The following HIBADH variants were observed in gnomAD, a reference collection of about 807,000 sequenced individuals.
HIBADH encodes the protein 3-hydroxyisobutyrate dehydrogenase.
Under a neutral mutation model 36.1 loss-of-function variants are expected in HIBADH, and 25 were observed. The observed-to-expected ratio is 0.69, with a 90% CI of 0.50 to 0.97. HIBADH has a LOEUF of 0.97. Among genes scored for constraint, HIBADH ranks in the 50% least tolerant of loss-of-function variants. The pLI, the probability that HIBADH is intolerant of heterozygous loss-of-function variation, is 0.00. For synonymous variants in HIBADH, 160 were observed against 149.5 expected (o/e 1.07, Z -0.51); for missense variants, 421 against 418.0 (o/e 1.01, Z -0.06).
Position 27,662,781 on chromosome 7 carries a change from G to A in HIBADH, c.8C>T (p.Ala3Val). 2 of 1,465,268 alleles carry A rather than the reference G, an allele frequency of 1.4e-6. No individual in the cohort carries two copies. The highest frequency in any genetic ancestry group is 1.8e-6 in the Non-Finnish European group (2 of 1,107,278). 90.8% of individuals were successfully genotyped at this position (1,465,268 alleles called of 1,614,324 possible). Residue 3 changes from alanine (A) to valine (V), a missense_variant, in exon 1 of 8, where the codon GCC becomes GTC. Coordinates refer to ENST00000265395, the MANE Select transcript of HIBADH (RefSeq NM_152740.4). Reference sequence around the variant, plus strand: ...GGCAGCTCCGAGGAGCCGTAAGGAGGCTGCCATGCTGCGCCCGCCCCTCTC... The same window carrying A: ...GGCAGCTCCGAGGAGCCGTAAGGAGACTGCCATGCTGCGCCCGCCCCTCTC... MAASLRLLGAASG... is the reference protein window; with the variant it reads MAVSLRLLGAASG...
chr7:27,535,113 A>G (rs1425550933), intron 6 of HIBADH, among the ~76,000 whole-genome samples: 1 of 150,936 alleles, frequency 6.6e-6, no homozygotes, highest in African/African-American at 2.4e-5. Context: ...TAAGTGAATG[A>G]TTTGGATTGA....
intron 1 of HIBADH, among the ~76,000 whole-genome samples, chr7:27,661,063 G>T (rs1416501454): frequency 6.6e-6 from 1 of 152,216 alleles, no homozygotes; most frequent in Non-Finnish European, 1.5e-5. Flanking sequence ...GTGGAAAAGT[G>T]TCTATTCTTT....
chr7:27,592,519 C>T (rs1418446621), intron 4 of HIBADH, among the ~76,000 whole-genome samples: 1 of 152,174 alleles, frequency 6.6e-6, no homozygotes, highest in Non-Finnish European at 1.5e-5. Context: ...AAAAGCCACA[C>T]CTTCGCCTGG....
At chr7:27,587,346 G>A (rs1448535599) in intron 4 of HIBADH, among the ~76,000 whole-genome samples, 1 of 152,006 alleles carries the variant, frequency 6.6e-6, no homozygotes, top group Admixed American at 6.6e-5. Context: ...TAAAGCTGCA[G>A]ATTCCCCACA....
chr7:27,660,165 T>G (rs1051049170), intron 1 of HIBADH, among the ~76,000 whole-genome samples: 4 of 152,258 alleles, frequency 2.6e-5, no homozygotes, highest in African/African-American at 7.2e-5. Context: ...ATCATTCATA[T>G]GATATAAACA....
intron 4 of HIBADH, among the ~76,000 whole-genome samples, chr7:27,625,794 G>C (rs370482763): frequency 1.3e-5 from 2 of 151,920 alleles, no homozygotes; most frequent in Non-Finnish European, 2.9e-5. Flanking sequence ...GCGTGATGTG[G>C]GCTCTGATAA....
chr7:27,547,992 A>G (rs1229645333), intron 4 of HIBADH, among the ~76,000 whole-genome samples: 1 of 152,090 alleles, frequency 6.6e-6, no homozygotes, highest in Non-Finnish European at 1.5e-5. Flanking sequence ...TAATACTACA[A>G]TCAGAAACAT....
chr7:27,563,440 AT>A (rs1400213745), intron 4 of HIBADH, among the ~76,000 whole-genome samples: 1 of 152,246 alleles, frequency 6.6e-6, no homozygotes, highest in East Asian at 1.9e-4. Context: ...GGAAACTTAG[AT>A]AAGTGTATGT....
chr7:27,552,040 T>G (rs908385682), intron 4 of HIBADH, among the ~76,000 whole-genome samples: 2 of 152,208 alleles, frequency 1.3e-5, no homozygotes, highest in African/African-American at 4.8e-5. Context: ...GACAGAAAGC[T>G]GCTACTCAAC....
intron 4 of HIBADH, among the ~76,000 whole-genome samples, chr7:27,563,590 A>G (rs1455885893): frequency 6.6e-6 from 1 of 152,230 alleles, no homozygotes; most frequent in East Asian, 1.9e-4. Flanking sequence ...TGCTGTAGCC[A>G]TTCTATAAAT....
chr7:27,660,522 G>C (rs1157010511), intron 1 of HIBADH, among the ~76,000 whole-genome samples: 1 of 152,098 alleles, frequency 6.6e-6, no homozygotes, highest in South Asian at 2.1e-4. Context: ...AAAACTAGCC[G>C]GGCGTGGTGG....
chr7:27,599,680 C>CAAAAA (rs3072889), intron 4 of HIBADH, among the ~76,000 whole-genome samples: 24 of 41,054 alleles, frequency 5.8e-4, no homozygotes, highest in East Asian at 1.6e-3. Flanking sequence ...ACTCTGTCTC[C>CAAAAA]AAAAAAAAAA....
chr7:27,658,337 C>G (rs1268903948), intron 1 of HIBADH, among the ~76,000 whole-genome samples: 1 of 152,164 alleles, frequency 6.6e-6, no homozygotes, highest in Non-Finnish European at 1.5e-5. Flanking sequence ...AAAGGTGATA[C>G]TGGTTCACTG....
chr7:27,578,004 CA>C (rs1049562379), intron 4 of HIBADH, among the ~76,000 whole-genome samples: 1 of 151,614 alleles, frequency 6.6e-6, no homozygotes, highest in Admixed American at 6.6e-5. Context: ...CTGCTGACCT[CA>C]AAAAAAACCT....
At position 27,573,504 on chromosome 7, in the gene HIBADH, T is replaced by G. The variant is rs1220447681; in HGVS notation, c.485-30404A>C. On this transcript the variant is annotated intron_variant, in intron 4 of 7. Transcript: ENST00000265395. ...GCTTCTTGAGAGCAAAGACCATGAC[T>G]TATTCTAACAAAGTGGCTGATATAT... is the stretch of plus-strand genomic sequence containing the variant. 2.6e-5 allele frequency among the ~76,000 whole-genome samples: 4 copies of G among 152,204 alleles called. No individual in the cohort carries two copies. In the East Asian group the frequency reaches 7.7e-4, roughly 29 times the overall value.
chr7:27,551,003 C>T (rs1004908576), intron 4 of HIBADH, among the ~76,000 whole-genome samples: 4 of 122,088 alleles, frequency 3.3e-5, no homozygotes, highest in Admixed American at 2.5e-4. Context: ...CAAACACACA[C>T]ATACACATAC....
intron 4 of HIBADH, among the ~76,000 whole-genome samples, chr7:27,613,374 T>A (rs954681745): frequency 1.8e-5 from 1 of 54,448 alleles, no homozygotes; most frequent in Non-Finnish European, 3.1e-5. Context: ...CTCGTTTAGA[T>A]AGATAGACAG....
intron 4 of HIBADH, among the ~76,000 whole-genome samples, chr7:27,545,272 T>TTACAAAAAA (rs957053329): frequency 6.6e-6 from 1 of 151,776 alleles, no homozygotes; most frequent in Non-Finnish European, 1.5e-5. Flanking sequence ...GAAACCGTCT[T>TTACAAAAAA]TACAAAAAAT....
At chr7:27,599,422 C>A (rs1285366431) in intron 4 of HIBADH, among the ~76,000 whole-genome samples, 1 of 152,044 alleles carries the variant, frequency 6.6e-6, no homozygotes, top group Non-Finnish European at 1.5e-5. Context: ...GTGGCTCACG[C>A]CTGTAATCCC....
Sources: gnomAD v4.1 joint callset for allele counts (sites outside exome capture counted in the v4.1 genomes callset) on GRCh38, gnomAD v4.1.1 for gene constraint, MANE v1.5 for transcripts, NCBI Gene and HGNC (gene_info 2026-07-23, HGNC 2026-07-21) for gene names.